The following CPEB3 variants were observed in gnomAD, a reference collection of about 807,000 sequenced individuals.
The protein encoded by CPEB3 is cytoplasmic polyadenylation element binding protein 3.
A neutral mutation model predicts 67.2 loss-of-function variants in CPEB3; 20 were observed. The ratio of observed to expected loss-of-function variants is 0.30; its 90% CI spans 0.21 to 0.43. The LOEUF (loss-of-function observed/expected upper bound fraction) is 0.43. Ranked by LOEUF, CPEB3 falls within the 20% of genes least tolerant of loss-of-function variation. CPEB3 has a pLI of 1.00. For synonymous variants in CPEB3, 376 were observed against 393.1 expected, an observed-to-expected ratio of 0.96 and a Z score of 0.51; for missense variants, 746 against 968.6, an observed-to-expected ratio of 0.77 and a Z score of 3.05.
intron 1 of CPEB3, among the ~76,000 whole-genome samples, chr10:92,245,279 A>T (rs894884099): frequency 2.0e-5 from 3 of 151,862 alleles, no homozygotes; most frequent in African/African-American, 7.3e-5. Flanking sequence ...CTGGGATTAC[A>T]GGCGCATGCC....
intron 4 of CPEB3, among the ~76,000 whole-genome samples, chr10:92,179,881 C>T (rs1848388049): frequency 6.6e-6 from 1 of 151,168 alleles, no homozygotes; most frequent in Admixed American, 6.6e-5. Flanking sequence ...ATTCAACATA[C>T]CTACTCAAGC....
chr10:92,201,848 A>G lies in CPEB3; in HGVS notation c.1006-9212T>C, dbSNP rs74149389. 7.4e-3 allele frequency among the ~76,000 whole-genome samples: 1,134 copies of G among 152,294 alleles called. 13 individuals are homozygous for G. Among genetic ancestry groups the G allele is most frequent in the African/African-American group, 0.026 (1,086 of 41,562 alleles). On this transcript the variant is annotated intron_variant, in intron 2 of 9. Transcript: ENST00000265997. Reference sequence around the variant, plus strand: ...TCCCAGACTGATTCTAGGTAATTAGAACTAAGTATATTGTAATTACTTCTT... The same window carrying G: ...TCCCAGACTGATTCTAGGTAATTAGGACTAAGTATATTGTAATTACTTCTT...
intron 2 of CPEB3, among the ~76,000 whole-genome samples, chr10:92,228,523 G>A (rs1851096717): frequency 6.6e-6 from 1 of 151,988 alleles, no homozygotes. Context: ...TCGATTGTCA[G>A]ATCACTAAGA....
chr10:92,195,823 A>G lies in CPEB3; in HGVS notation c.1006-3187T>C, dbSNP rs79492177. 7.7e-3 allele frequency among the ~76,000 whole-genome samples: 1,177 copies of G among 152,368 alleles called. 10 individuals are homozygous for G. The highest frequency in any genetic ancestry group is 0.027 in the African/African-American group (1,129 of 41,596). On this transcript the variant is annotated intron_variant, in intron 2 of 9. Coordinates refer to ENST00000265997, the MANE Select transcript of CPEB3 (RefSeq NM_014912.5). ...AGAAGGCAAGGTTCAGAGAAGATTC[A>G]AGAGCCCTCAATGCCAAAACCTAAG...
intron 1 of CPEB3, among the ~76,000 whole-genome samples, chr10:92,265,895 G>C (rs1352123569): frequency 6.6e-6 from 1 of 151,888 alleles, no homozygotes; most frequent in Non-Finnish European, 1.5e-5. Context: ...TTGAGAGGTG[G>C]AGCCTTGAGG....
intron 6 of CPEB3, among the ~76,000 whole-genome samples, chr10:92,118,495 G>A (rs1845153413): frequency 6.6e-6 from 1 of 152,126 alleles, no homozygotes; most frequent in African/African-American, 2.4e-5. Flanking sequence ...TAAGGCCTAT[G>A]TAGATATAAT....
intron 2 of CPEB3, among the ~76,000 whole-genome samples, chr10:92,212,331 A>AC (rs2134351663): frequency 6.7e-6 from 1 of 149,760 alleles, no homozygotes; most frequent in African/African-American, 2.5e-5. Flanking sequence ...GCTCACTGCA[A>AC]CCTCCACTTC....
intron 4 of CPEB3, among the ~76,000 whole-genome samples, chr10:92,176,868 G>A (rs1425872127): frequency 3.3e-5 from 5 of 152,208 alleles, no homozygotes; most frequent in African/African-American, 9.7e-5. Context: ...TCGAACCTGC[G>A]TCCCGCAAGC....
chr10:92,173,623 T>G (rs1033252072), intron 4 of CPEB3, among the ~76,000 whole-genome samples: 1 of 152,156 alleles, frequency 6.6e-6, no homozygotes, highest in Admixed American at 6.6e-5. Flanking sequence ...AAGCAAAAGG[T>G]ACCACCCTCA....
intron 4 of CPEB3, among the ~76,000 whole-genome samples, chr10:92,172,346 G>A (rs1489221197): frequency 1.3e-5 from 2 of 152,152 alleles, no homozygotes; most frequent in East Asian, 3.8e-4. Flanking sequence ...GTGTATGTGT[G>A]TGGAGGGTAA....
chr10:92,114,593 TC>T (rs1844911969), intron 6 of CPEB3, among the ~76,000 whole-genome samples: 1 of 152,268 alleles, frequency 6.6e-6, no homozygotes, highest in South Asian at 2.1e-4. Context: ...CAGACACTGT[TC>T]TAAGTGCCTT....
intron 7 of CPEB3, among the ~76,000 whole-genome samples, chr10:92,102,609 A>T (rs1048320711): frequency 2.6e-5 from 4 of 152,098 alleles, no homozygotes; most frequent in Non-Finnish European, 4.4e-5. Context: ...ACTGTTTCAT[A>T]AGGGCACTCA....
intron 3 of CPEB3, among the ~76,000 whole-genome samples, chr10:92,183,496 C>T (rs578003667): frequency 1.3e-4 from 20 of 152,256 alleles, no homozygotes; most frequent in African/African-American, 4.8e-4. Flanking sequence ...ATGTTCTCAC[C>T]ATCGTTTTTG....
At chr10:92,130,180 C>T (rs886963380) in intron 6 of CPEB3, among the ~76,000 whole-genome samples, 1 of 151,832 alleles carries the variant, frequency 6.6e-6, no homozygotes, top group African/African-American at 2.4e-5. Flanking sequence ...GCTAACTCCT[C>T]AATTTTCAGG....
chr10:92,255,585 A>G (rs1852480792), intron 1 of CPEB3, among the ~76,000 whole-genome samples: 1 of 152,182 alleles, frequency 6.6e-6, no homozygotes, highest in Non-Finnish European at 1.5e-5. Flanking sequence ...TTCTCCCAAG[A>G]GCTTCTAGAT....
intron 6 of CPEB3, among the ~76,000 whole-genome samples, chr10:92,121,121 G>T (rs1845352229): frequency 6.6e-6 from 1 of 151,702 alleles, no homozygotes; most frequent in Admixed American, 6.6e-5. Context: ...AGATTCTCCT[G>T]CCTCAGCCTC....
chr10:92,235,276 T>A (rs1239440820), intron 2 of CPEB3, among the ~76,000 whole-genome samples: 2 of 152,068 alleles, frequency 1.3e-5, no homozygotes, highest in East Asian at 3.9e-4. Context: ...CGAAATTCCA[T>A]CTCTACTAAA....
At chr10:92,117,079 C>A (rs1249946090) in intron 6 of CPEB3, among the ~76,000 whole-genome samples, 1 of 152,092 alleles carries the variant, frequency 6.6e-6, no homozygotes, top group Non-Finnish European at 1.5e-5. Context: ...GGCTGGAGTG[C>A]AGTGGTGCGA....
chr10:92,096,148 T>G (rs1380057504), intron 7 of CPEB3, among the ~76,000 whole-genome samples: 1 of 151,772 alleles, frequency 6.6e-6, no homozygotes, highest in East Asian at 1.9e-4. Flanking sequence ...GTGCTGGGAT[T>G]ACAGGCGTGA....
Sources: gnomAD v4.1 joint callset for allele counts (sites outside exome capture counted in the v4.1 genomes callset) on GRCh38, gnomAD v4.1.1 for gene constraint, MANE v1.5 for transcripts, NCBI Gene and HGNC (gene_info 2026-07-23, HGNC 2026-07-21) for gene names.